SGCZ: variants seen among roughly 807,000 people sequenced by gnomAD.
SGCZ encodes the protein zeta-sarcoglycan.
Under a neutral mutation model 41.3 loss-of-function variants are expected in SGCZ, and 40 were observed. The observed-to-expected ratio is 0.97, with a 90% CI of 0.75 to 1.26. The LOEUF is 1.26. SGCZ is among the 50% of genes most tolerant of loss of function. SGCZ has a pLI of 0.00. For missense variants in SGCZ, 552 were observed against 369.8 expected (o/e 1.49, Z -4.04); for synonymous variants, 206 against 137.5 (o/e 1.50, Z -3.49).
At chr8:14,971,442 C>T (rs1801294130) in intron 1 of SGCZ, among the ~76,000 whole-genome samples, 1 of 151,958 alleles carries the variant, frequency 6.6e-6, no homozygotes, top group South Asian at 2.1e-4. Flanking sequence ...TGAGAAACTG[C>T]ATTTCTATTC....
intron 3 of SGCZ, among the ~76,000 whole-genome samples, chr8:14,316,275 T>G (rs113442438): frequency 6.6e-6 from 1 of 151,980 alleles, no homozygotes; most frequent in Non-Finnish European, 1.5e-5. Flanking sequence ...CAATAATTCA[T>G]AGTAAAATAT....
chr8:14,109,540 C>G (rs562139017), intron 5 of SGCZ, among the ~76,000 whole-genome samples: 18 of 152,166 alleles, frequency 1.2e-4, no homozygotes, highest in African/African-American at 3.9e-4. Flanking sequence ...ACTAGATAAA[C>G]TATACAATGT....
chr8:14,799,280 TA>T (rs1163360323), intron 1 of SGCZ, among the ~76,000 whole-genome samples: 3 of 152,214 alleles, frequency 2.0e-5, no homozygotes, highest in African/African-American at 7.2e-5. Flanking sequence ...CTAAACTTTT[TA>T]TTTTTCTATT....
intron 1 of SGCZ, among the ~76,000 whole-genome samples, chr8:15,073,745 T>C (rs1266894435): frequency 6.6e-6 from 1 of 152,280 alleles, no homozygotes; most frequent in South Asian, 2.1e-4. Context: ...TGTCCTAAAA[T>C]GTGGACTAGC....
intron 2 of SGCZ, among the ~76,000 whole-genome samples, chr8:14,405,413 T>C (rs1799186531): frequency 6.6e-6 from 1 of 152,216 alleles, no homozygotes; most frequent in Non-Finnish European, 1.5e-5. Context: ...GAAAATATAA[T>C]GACATCAGAT....
At chr8:14,132,935 C>T (rs895092718) in intron 5 of SGCZ, among the ~76,000 whole-genome samples, 1 of 152,130 alleles carries the variant, frequency 6.6e-6, no homozygotes, top group Non-Finnish European at 1.5e-5. Flanking sequence ...TGTGTGCAGT[C>T]TCTGAACCTC....
At chr8:14,976,086 G>A (rs1277105935) in intron 1 of SGCZ, among the ~76,000 whole-genome samples, 4 of 149,870 alleles carry the variant, frequency 2.7e-5, no homozygotes, top group African/African-American at 4.9e-5. Flanking sequence ...GCAGTGGCAC[G>A]ATCTTCACTC....
At chr8:14,313,237 G>A (rs888954282) in intron 3 of SGCZ, among the ~76,000 whole-genome samples, 1 of 152,116 alleles carries the variant, frequency 6.6e-6, no homozygotes, top group Non-Finnish European at 1.5e-5. Context: ...TTAATAATTG[G>A]TAGTAGGAAC....
intron 1 of SGCZ, among the ~76,000 whole-genome samples, chr8:14,735,949 A>C (rs993918760): frequency 6.6e-6 from 1 of 152,030 alleles, no homozygotes; most frequent in Non-Finnish European, 1.5e-5. Flanking sequence ...CACCAAGATA[A>C]AAGTCTACCA....
intron 1 of SGCZ, among the ~76,000 whole-genome samples, chr8:14,946,153 C>T (rs1441710390): frequency 6.7e-6 from 1 of 148,196 alleles, no homozygotes; most frequent in East Asian, 2.0e-4. Flanking sequence ...ACTACTGAGT[C>T]AAGAGCAAGC....
intron 1 of SGCZ, among the ~76,000 whole-genome samples, chr8:15,108,458 C>T (rs1037295423): frequency 6.6e-6 from 1 of 152,156 alleles, no homozygotes; most frequent in Non-Finnish European, 1.5e-5. Flanking sequence ...TTAATGAAAT[C>T]AAGTGGATTT....
intron 5 of SGCZ, among the ~76,000 whole-genome samples, chr8:14,116,774 G>A (rs73520387): frequency 0.021 from 3,215 of 152,062 alleles, 136 homozygotes; most frequent in African/African-American, 0.073. Flanking sequence ...AACCATAAGA[G>A]GACTGGTAGC....
At chr8:14,205,504 G>A (rs994283553) in intron 4 of SGCZ, among the ~76,000 whole-genome samples, 16 of 152,228 alleles carry the variant, frequency 1.1e-4, no homozygotes, top group South Asian at 2.1e-4. Context: ...AAACATTGCC[G>A]ATGATGTCAT....
intron 1 of SGCZ, among the ~76,000 whole-genome samples, chr8:15,131,204 G>A (rs1807885443): frequency 6.6e-6 from 1 of 152,158 alleles, no homozygotes; most frequent in Non-Finnish European, 1.5e-5. Context: ...TAGCTGCCAG[G>A]ATTCTCATGT....
intron 1 of SGCZ, among the ~76,000 whole-genome samples, chr8:14,968,266 T>C (rs1355962968): frequency 6.6e-6 from 1 of 152,172 alleles, no homozygotes; most frequent in Non-Finnish European, 1.5e-5. Context: ...ATTGTATTTC[T>C]ATTAAGATTT....
At chr8:14,663,060 G>T (rs1807805950) in intron 1 of SGCZ, among the ~76,000 whole-genome samples, 1 of 152,136 alleles carries the variant, frequency 6.6e-6, no homozygotes, top group Admixed American at 6.6e-5. Flanking sequence ...ATGCAGTTCT[G>T]CCAACAACTT....
chr8:14,606,993 T>C (rs1197616683), intron 1 of SGCZ, among the ~76,000 whole-genome samples: 4 of 152,198 alleles, frequency 2.6e-5, no homozygotes. Context: ...GATACTGTTT[T>C]CATATTCATC....
intron 3 of SGCZ, among the ~76,000 whole-genome samples, chr8:14,278,158 T>C (rs915710271): frequency 1.3e-5 from 2 of 152,204 alleles, no homozygotes; most frequent in Admixed American, 1.3e-4. Flanking sequence ...TCATTCTCCC[T>C]AAAAATTACT....
At chr8:14,693,139 G>T (rs890236787) in intron 1 of SGCZ, among the ~76,000 whole-genome samples, 7 of 152,070 alleles carry the variant, frequency 4.6e-5, no homozygotes, top group Admixed American at 4.6e-4. Flanking sequence ...TAAATTGTTA[G>T]ATCTATATTA....
Sources: gnomAD v4.1 joint callset for allele counts (sites outside exome capture counted in the v4.1 genomes callset) on GRCh38, gnomAD v4.1.1 for gene constraint, MANE v1.5 for transcripts, NCBI Gene and HGNC (gene_info 2026-07-23, HGNC 2026-07-21) for gene names.